Variants in WDR12 observed in about 807,000 individuals in gnomAD.
WDR12 encodes ribosome biogenesis protein WDR12.
In WDR12, 42 loss-of-function variants were observed where a neutral mutation model predicts 64.3. The observed-to-expected ratio is 0.65, with a 90% confidence interval of 0.51 to 0.84. WDR12 has a LOEUF of 0.84. Ranked by LOEUF, WDR12 falls within the 40% of genes least tolerant of loss-of-function variation. The pLI is 0.00. For missense variants in WDR12, 469 were observed against 494.6 expected (o/e 0.95, Z 0.49); for synonymous variants, 158 against 173.3 (o/e 0.91, Z 0.70).
chr2:202,901,634 T>C (rs1688350793), intron 2 of WDR12, among the ~76,000 whole-genome samples: 1 of 152,188 alleles, frequency 6.6e-6, no homozygotes, highest in African/African-American at 2.4e-5. Context: ...AATCCATACA[T>C]TATATTTGAT....
intron 7 of WDR12, among the ~76,000 whole-genome samples, chr2:202,893,339 C>T (rs1446322974): frequency 1.3e-5 from 2 of 151,866 alleles, no homozygotes; most frequent in African/African-American, 2.4e-5. Flanking sequence ...CGTTTTGTGG[C>T]TTTTATGGAT....
rs1200703973 is a variant in WDR12, at chr2:202,896,066, T to C, written c.608A>G (p.Lys203Arg). The change falls in exon 6 of 13, where the codon AAA (lysine) becomes AGA (arginine). Residue 203 changes from lysine (K) to arginine (R), a missense_variant and splice_region_variant. By Grantham distance (26) the Lys-to-Arg change is conservative. Coordinates refer to ENST00000261015, the MANE Select transcript of WDR12 (RefSeq NM_018256.4). ...ACTAATAATATTCTAGCTACTTACT[T>C]TAGTTCCTGAGCCATCAACAGCTAT... ...DSIAVDGSGTKFCSGSWDKML... is the reference protein window; with the variant it reads ...DSIAVDGSGTRFCSGSWDKML... 2.5e-6 allele frequency: 4 copies of C among 1,609,914 alleles called. No individual in the cohort carries two copies. The South Asian group carries it at 4.5e-5, about 18-fold the overall frequency.
At position 202,896,200 on chromosome 2, in the gene WDR12, T is replaced by C. The variant is rs1688239104; in HGVS notation, c.474A>G (p.Leu158=). The change falls in exon 6 of 13, where the codon TTA becomes TTG. Residue 158 remains leucine (L), a synonymous_variant. Coordinates refer to ENST00000261015, the MANE Select transcript of WDR12 (RefSeq NM_018256.4). ...WVKKDSLSCL[L]LSASMDQTIL... is the part of the protein sequence containing the mutation. ...TAGTCTGATCCATAGAAGCACTCAA[T>C]AATAAGCAGGACAAACTATCTGGAG... 31 of 1,613,620 alleles carry C rather than the reference T, an allele frequency of 1.9e-5. No individual in the cohort carries two copies. Among genetic ancestry groups the C allele is most frequent in the Non-Finnish European group, 2.5e-5 (30 of 1,179,932 alleles).
At chr2:202,885,768 G>A (rs1688035427) in intron 8 of WDR12, among the ~76,000 whole-genome samples, 1 of 152,168 alleles carries the variant, frequency 6.6e-6, no homozygotes, top group Non-Finnish European at 1.5e-5. Flanking sequence ...ATATAAAAGA[G>A]AGTGGGAAGA....
Position 202,876,892 on chromosome 2 carries a change from C to A in WDR12, c.*3968G>T, listed in dbSNP as rs1451176917. ...GCTGCAGTGAGCTATAATCGGGCCG[C>A]TGCACTCTAGCTTGGGCAACATAGT... is the stretch of plus-strand genomic sequence containing the variant. On this transcript the variant is annotated 3_prime_UTR_variant, in exon 13 of 13. Transcript: ENST00000261015. The A allele has an allele frequency of 1.3e-5, 2 of 152,580 alleles. No homozygotes were observed. The highest frequency in any genetic ancestry group is 4.8e-5 in the African/African-American group (2 of 41,436). 9.5% of individuals were successfully genotyped at this position (152,580 alleles called of 1,614,324 possible).
intron 5 of WDR12, 73 bp downstream of exon 5, chr2:202,897,226 TC>T: frequency 9.8e-7 from 1 of 1,018,926 alleles, no homozygotes; most frequent in Non-Finnish European, 1.5e-6. Context: ...TCCCCATTCT[TC>T]CCCAGCACCA....
chr2:202,897,057 C>T (rs1371316361), intron 5 of WDR12, among the ~76,000 whole-genome samples: 1 of 152,082 alleles, frequency 6.6e-6, no homozygotes, highest in African/African-American at 2.4e-5. Flanking sequence ...GAATGTAATA[C>T]ATTCAATATT....
chr2:202,893,955 T>C (rs1024138888), intron 7 of WDR12, among the ~76,000 whole-genome samples: 2 of 152,200 alleles, frequency 1.3e-5, no homozygotes, highest in Non-Finnish European at 1.5e-5. Flanking sequence ...ATTCTTACAT[T>C]ACTTAAGTCA....
At position 202,901,114 on chromosome 2, in the gene WDR12, G is replaced by C; in HGVS notation, c.142C>G (p.His48Asp). The change falls in exon 3 of 13, where the codon CAC becomes GAC. Residue 48 changes from histidine (H) to aspartate (D), a missense_variant. Physicochemically the swap from His to Asp is moderately conservative, Grantham distance 81 (BLOSUM62 -1). Transcript: ENST00000261015. ...NKLLKDKNEF[H>D]KHVEFDFLIK... ...AGGAAATCAAACTCCACATGTTTGT[G>C]GAACTCTGAGGAAAATACATAACAA... 6.3e-7 allele frequency: 1 copy of C among 1,587,046 alleles called. No homozygotes were observed. Among genetic ancestry groups the C allele is most frequent in the Non-Finnish European group, 8.6e-7 (1 of 1,161,176 alleles).
In WDR12 at chr2:202,877,416, G is replaced by C. The variant is rs907839383; in HGVS notation, c.*3444C>G. 2 of 152,156 alleles carry C rather than the reference G, an allele frequency of 1.3e-5. No homozygotes were observed. The highest frequency in any genetic ancestry group is 4.8e-5 in the African/African-American group (2 of 41,454). The allele number at this position is 152,156 out of a possible 1,614,324, so 9.4% of individuals were successfully genotyped here. ...TAATCTCAGCACTTTGGGAGGTCCA[G>C]GTGGGCAGACAGCTTGAGCCCAGGA... On this transcript the variant is annotated 3_prime_UTR_variant, in exon 13 of 13. Transcript: ENST00000261015.
intron 2 of WDR12, among the ~76,000 whole-genome samples, chr2:202,904,495 C>G (rs1243448963): frequency 1.3e-5 from 2 of 152,132 alleles, no homozygotes; most frequent in African/African-American, 4.8e-5. Flanking sequence ...AAAACAGACA[C>G]ATACACCAAT....
chr2:202,883,548 C>A, intron 11 of WDR12, 61 bp downstream of exon 11: 2 of 1,528,398 alleles, frequency 1.3e-6, no homozygotes, highest in South Asian at 2.4e-5. Flanking sequence ...TTTCAGTATT[C>A]ATTTCCTTTC....
In WDR12 at chr2:202,897,333, C is replaced by T. The variant is rs202163039; in HGVS notation, c.421G>A (p.Asp141Asn). ...KSIMTIVGHTDVVKDVAWVKK... is the reference protein window; with the variant it reads ...KSIMTIVGHTNVVKDVAWVKK... ...ACCCAGGCCACATCTTTTACAACAT[C>T]CGTATGTCCCACAATTGTCATTATT... Residue 141 changes from aspartate to asparagine, a missense_variant, in exon 5 of 13, where the codon GAT (aspartate) becomes AAT (asparagine). Asp to Asn is a conservative substitution (Grantham distance 23). Transcript: ENST00000261015. 23 of 1,600,378 alleles carry T rather than the reference C, an allele frequency of 1.4e-5. No individual in the cohort carries two copies. In the East Asian group the frequency reaches 5.3e-4, roughly 37 times the overall value.
At chr2:202,896,044 A>G (rs1323417768) in intron 6 of WDR12, 21 bp downstream of exon 6, 10 of 1,608,360 alleles carry the variant, frequency 6.2e-6, no homozygotes, top group Non-Finnish European at 8.5e-6. Context: ...ACAGAGTACT[A>G]ATAATATTCT....
rs199917725 is a variant in WDR12 at position 202,894,659 on chromosome 2, T to C, written c.610-33A>G. The C allele has an allele frequency of 2.6e-6, 4 of 1,556,242 alleles. No individual in the cohort carries two copies. In the African/African-American group the frequency reaches 4.1e-5, roughly 16 times the overall value. Reference sequence around the variant, plus strand: ...GATGTATATGAAGGGAAAAGACATATGTAATATGATTCATATTATTTGCCT... The same window carrying C: ...GATGTATATGAAGGGAAAAGACATACGTAATATGATTCATATTATTTGCCT... On this transcript the variant is annotated intron_variant, in intron 6 of 12. Transcript: ENST00000261015.
At chr2:202,895,521 T>TC (rs1559161405) in intron 6 of WDR12, among the ~76,000 whole-genome samples, 2 of 146,016 alleles carry the variant, frequency 1.4e-5, no homozygotes, top group Non-Finnish European at 3.0e-5. Flanking sequence ...TTCTTTCTTT[T>TC]TTTTTTTTTT....
rs1687925478 is a variant in WDR12, at chr2:202,880,221, ACAAT to A, written c.*635_*638del. 6.6e-6 allele frequency: 1 copy of A among 152,206 alleles called. No individual in the cohort carries two copies. The highest frequency in any genetic ancestry group is 2.4e-5 in the African/African-American group (1 of 41,458). 9.4% of individuals were successfully genotyped at this position (152,206 alleles called of 1,614,324 possible). A position where few individuals can be genotyped will look rare whatever the true frequency, so the allele number is the denominator to read the frequency against. On this transcript the variant is annotated 3_prime_UTR_variant, in exon 13 of 13. Transcript: ENST00000261015. The stretch of plus-strand genomic sequence containing the variant: ...GTCTCTAACAGAAATAAAAATCTCA[ACAAT>A]CAATTACTGGATTTCCAATATAACC...
intron 2 of WDR12, among the ~76,000 whole-genome samples, chr2:202,902,264 A>G (rs1688362735): frequency 6.6e-6 from 1 of 152,240 alleles, no homozygotes; most frequent in South Asian, 2.1e-4. Flanking sequence ...TAAGAAGATC[A>G]TCATGACCAA....
Position 202,876,480 on chromosome 2 carries a change from G to GT in WDR12, c.*4379dup, listed in dbSNP as rs1687861180. The GT allele has an allele frequency of 6.6e-6, 1 of 152,186 alleles. No homozygotes were observed. Among genetic ancestry groups the GT allele is most frequent in the South Asian group, 2.1e-4 (1 of 4,828 alleles). The allele number at this position is 152,186 out of a possible 1,614,324, so 9.4% of individuals were successfully genotyped here. On this transcript the variant is annotated 3_prime_UTR_variant, in exon 13 of 13. Coordinates refer to ENST00000261015, the MANE Select transcript of WDR12 (RefSeq NM_018256.4). ...GTTCTTGCTGTTTCTACACCTGGCA[G>GT]TTTCTGGCTAGTAAAATCTGGATTT...
Sources: allele counts gnomAD v4.1 joint callset (sites outside exome capture counted in the v4.1 genomes callset), GRCh38; gene constraint gnomAD v4.1.1; transcripts MANE v1.5; gene names NCBI Gene and HGNC (gene_info 2026-07-23, HGNC 2026-07-21).